The following COBLL1 variants were observed in gnomAD, a reference collection of about 807,000 sequenced individuals.
COBLL1 encodes cordon-bleu protein-like 1.
A neutral mutation model predicts 94.8 loss-of-function variants in COBLL1; 50 were observed. The observed-to-expected ratio is 0.53, with a 90% CI of 0.42 to 0.67. The LOEUF is 0.67. Ranked by LOEUF, COBLL1 falls within the 30% of genes least tolerant of loss-of-function variation. The pLI, the probability that COBLL1 is intolerant of heterozygous loss-of-function variation, is 0.00. For synonymous variants in COBLL1, 448 were observed against 473.8 expected, an observed-to-expected ratio of 0.95 and a Z score of 0.71; for missense variants, 1,362 against 1,348.7, an observed-to-expected ratio of 1.01 and a Z score of -0.15.
intron 2 of COBLL1, among the ~76,000 whole-genome samples, chr2:164,827,984 A>T (rs1373126370): frequency 6.6e-6 from 1 of 152,200 alleles, no homozygotes; most frequent in Middle Eastern, 3.2e-3. Context: ...ATCCTAAATG[A>T]GAAGCTCAAA....
downstream of COBLL1, among the ~76,000 whole-genome samples, chr2:164,678,911 G>C (rs1682917539): frequency 6.6e-6 from 1 of 152,090 alleles, no homozygotes; most frequent in Admixed American, 6.6e-5. Flanking sequence ...GTCAACGCAT[G>C]TTCATCAAAT....
Position 164,695,488 on chromosome 2 carries a change from T to C in COBLL1, c.1904A>G (p.Asn635Ser). 4.3e-6 allele frequency: 7 copies of C among 1,613,978 alleles called. No homozygotes were observed. The highest frequency in any genetic ancestry group is 3.4e-6 in the Non-Finnish European group (4 of 1,179,922). Residue 635 changes from asparagine to serine, a missense_variant, in exon 12 of 14, where the codon AAT (asparagine) becomes AGT (serine). Physicochemically the swap from Asn to Ser is conservative, Grantham distance 46 (BLOSUM62 1). Coordinates refer to ENST00000652658, the MANE Select transcript of COBLL1 (RefSeq NM_001365672.2). ...SKVEECVQTSNNNISTQHSCL... is the reference protein window; with the variant it reads ...SKVEECVQTSSNNISTQHSCL... ...TGAGTGTTGAGTTGATATGTTGTTATTTGAAGTTTGCACACATTCTTCAAC... is the reference window on the plus strand; with the variant it reads ...TGAGTGTTGAGTTGATATGTTGTTACTTGAAGTTTGCACACATTCTTCAAC...
At chr2:164,818,769 C>CATATATATATATATATATATATATAT (rs752386836) in intron 2 of COBLL1, among the ~76,000 whole-genome samples, 87 of 139,418 alleles carry the variant, frequency 6.2e-4, no homozygotes, top group Admixed American at 1.0e-3. Flanking sequence ...CTTATGTAAA[C>CATATATATATATATATATATATATAT]ATATATATAT....
At position 164,741,597 on chromosome 2, in the gene COBLL1, T is replaced by A. The variant is rs140981268; in HGVS notation, c.230+2090A>T. On this transcript the variant is annotated intron_variant, in intron 3 of 13. Transcript: ENST00000652658. ...TAGTATTTCATTTAATCATATTTAA[T>A]CCTATCAATTCGGCTATAATACATT... Among the ~76,000 whole-genome samples, 24 of 151,560 alleles carry A rather than the reference T, an allele frequency of 1.6e-4. No homozygotes were observed. The East Asian group carries it at 4.7e-3, about 30-fold the overall frequency.
intron 2 of COBLL1, among the ~76,000 whole-genome samples, chr2:164,658,301 C>T (rs996024652): frequency 1.7e-4 from 26 of 152,120 alleles, no homozygotes; most frequent in Non-Finnish European, 2.2e-4. Flanking sequence ...GGCCGAAGAC[C>T]GCTCTAACTG....
In COBLL1 at chr2:164,727,873, A is replaced by G. The variant is rs1283553606; in HGVS notation, c.661+96T>C. ...TTATCTATAGGACCCATTAACTGCC[A>G]TTATGAACTTGAGAACACCTTCACA... On this transcript the variant is annotated intron_variant, in intron 5 of 13. Transcript: ENST00000652658. 5.3e-6 allele frequency: 4 copies of G among 756,530 alleles called. No individual in the cohort carries two copies. In the African/African-American group the frequency reaches 7.1e-5, roughly 13 times the overall value. 46.9% of individuals were successfully genotyped at this position (756,530 alleles called of 1,614,324 possible). A position where few individuals can be genotyped will look rare whatever the true frequency, so the allele number is the denominator to read the frequency against.
chr2:164,737,383 A>C (rs908063024), intron 3 of COBLL1, among the ~76,000 whole-genome samples: 4 of 152,192 alleles, frequency 2.6e-5, no homozygotes, highest in African/African-American at 9.6e-5. Context: ...GGGACATGGG[A>C]GGGCAATGAC....
At chr2:164,812,246 A>C (rs1308489618) in intron 2 of COBLL1, among the ~76,000 whole-genome samples, 1 of 151,940 alleles carries the variant, frequency 6.6e-6, no homozygotes, top group Non-Finnish European at 1.5e-5. Flanking sequence ...TTTACACACA[A>C]AATTAAAATC....
chr2:164,731,794 G>A (rs1442366926), intron 3 of COBLL1, among the ~76,000 whole-genome samples: 1 of 152,162 alleles, frequency 6.6e-6, no homozygotes, highest in Non-Finnish European at 1.5e-5. Context: ...GGGAAATGGG[G>A]CTAGAAATCC....
chr2:164,701,519 A>C (rs1684255925), intron 9 of COBLL1, among the ~76,000 whole-genome samples: 1 of 152,270 alleles, frequency 6.6e-6, no homozygotes, highest in South Asian at 2.1e-4. Flanking sequence ...AACCATACTC[A>C]CGTTTCCTTT....
chr2:164,678,055 C>T (rs1005116192), downstream of COBLL1, among the ~76,000 whole-genome samples: 3 of 152,102 alleles, frequency 2.0e-5, no homozygotes, highest in Admixed American at 1.3e-4. Flanking sequence ...TAGTTAGACA[C>T]ATTAACTCTT....
intron 2 of COBLL1, among the ~76,000 whole-genome samples, chr2:164,826,989 C>T (rs983325722): frequency 3.3e-5 from 5 of 151,408 alleles, no homozygotes; most frequent in Admixed American, 2.0e-4. Flanking sequence ...CTCGCTCTAT[C>T]ACCCAGGCTA....
At chr2:164,837,906 G>A (rs1683399296) in intron 2 of COBLL1, among the ~76,000 whole-genome samples, 1 of 152,098 alleles carries the variant, frequency 6.6e-6, no homozygotes. Context: ...CTAAAGCCAG[G>A]CACAGTGGCT....
intron 2 of COBLL1, among the ~76,000 whole-genome samples, chr2:164,806,238 C>G (rs1684149516): frequency 1.3e-5 from 2 of 152,044 alleles, no homozygotes; most frequent in South Asian, 4.1e-4. Flanking sequence ...AAGGAATATA[C>G]AGTGACTATC....
chr2:164,700,916 G>T (rs893124473), intron 9 of COBLL1, among the ~76,000 whole-genome samples, 160 bp from the exon 10 acceptor site: 1 of 152,230 alleles, frequency 6.6e-6, no homozygotes, highest in Non-Finnish European at 1.5e-5. Context: ...GAGCAGTCAC[G>T]TTAACATAAA....
chr2:164,743,548 C>T (rs1558973196), intron 3 of COBLL1, 139 bp downstream of exon 3: 1 of 676,924 alleles, frequency 1.5e-6, no homozygotes, highest in Non-Finnish European at 2.5e-6. Flanking sequence ...TTTTAGCAGT[C>T]TTTTTTTTTA....
chr2:164,832,054 T>C (rs551428954), intron 2 of COBLL1, among the ~76,000 whole-genome samples: 5 of 152,318 alleles, frequency 3.3e-5, no homozygotes, highest in African/African-American at 4.8e-5. Context: ...ACAACTGTAG[T>C]AGCTATTAAA....
intron 2 of COBLL1, among the ~76,000 whole-genome samples, chr2:164,821,050 G>A (rs960038160): frequency 1.3e-5 from 2 of 152,052 alleles, no homozygotes; most frequent in African/African-American, 4.8e-5. Context: ...ACCATGCCCA[G>A]CTAATTTTTT....
chr2:164,666,181 C>G (rs1372108925), intron 1 of COBLL1, among the ~76,000 whole-genome samples: 1 of 152,020 alleles, frequency 6.6e-6, no homozygotes, highest in Non-Finnish European at 1.5e-5. Flanking sequence ...AGTTATACCT[C>G]AGAGATACTG....
Sources: allele counts gnomAD v4.1 joint callset (sites outside exome capture counted in the v4.1 genomes callset), GRCh38; gene constraint gnomAD v4.1.1; transcripts MANE v1.5; gene names NCBI Gene and HGNC (gene_info 2026-07-23, HGNC 2026-07-21).